Variants in ESRRB observed in about 807,000 individuals in gnomAD.
ESRRB encodes the protein steroid hormone receptor ERR2.
In ESRRB, 16 loss-of-function variants were observed where a neutral mutation model predicts 46.0. The observed-to-expected ratio is 0.35, with a 90% CI of 0.24 to 0.53. ESRRB has a LOEUF of 0.53. Ranked by LOEUF, ESRRB falls within the 20% of genes least tolerant of loss-of-function variation. The probability of loss-of-function intolerance (pLI) is 0.93; values close to 1 mark genes in which losing one functional copy is unlikely to be tolerated. For synonymous variants in ESRRB, 246 were observed against 259.6 expected, an observed-to-expected ratio of 0.95 and a Z score of 0.50; for missense variants, 488 against 607.4, an observed-to-expected ratio of 0.80 and a Z score of 2.07.
At chr14:76,321,873 C>T (rs1001587147) in intron 1 of ESRRB, among the ~76,000 whole-genome samples, 7 of 139,598 alleles carry the variant, frequency 5.0e-5, no homozygotes, top group African/African-American at 1.5e-4. Context: ...GGCTAAAGAG[C>T]GGGACTCCGT....
In ESRRB at chr14:76,452,626, A is replaced by AAAAAACAAAAAAAAAAAC. The variant is rs200077355; in HGVS notation, c.461-9909_461-9908insAAAAAAACAAAAACAAAA. 6.4e-5 allele frequency among the ~76,000 whole-genome samples: 8 copies of AAAAAACAAAAAAAAAAAC among 124,278 alleles called. No individual in the cohort carries two copies. In the East Asian group the frequency reaches 1.5e-3, roughly 23 times the overall value. 81.5% of individuals were successfully genotyped at this position (124,278 alleles called of 152,430 possible). A position where few individuals can be genotyped will look rare whatever the true frequency, so the allele number is the denominator to read the frequency against. ...CAGAGTGAGACTCTGTCTCCAAAAA[A>AAAAAACAAAAAAAAAAAC]AAAAACAAAACAAAAACAAAACAAA... On this transcript the variant is annotated intron_variant, in intron 2 of 6. Coordinates refer to ENST00000644823, the MANE Select transcript of ESRRB (RefSeq NM_001379180.1).
chr14:76,428,920 T>A (rs1887315105), intron 1 of ESRRB, among the ~76,000 whole-genome samples: 1 of 151,960 alleles, frequency 6.6e-6, no homozygotes, highest in Admixed American at 6.6e-5. Context: ...TAATTACAGA[T>A]TTTTGCCTGA....
rs544427383 is a variant in ESRRB at position 76,333,860 on chromosome 14, C to T, written c.2+22944C>T. 7.9e-5 allele frequency among the ~76,000 whole-genome samples: 12 copies of T among 152,190 alleles called. No individual in the cohort carries two copies. In the South Asian group the frequency reaches 2.3e-3, roughly 29 times the overall value. Reference sequence around the variant, plus strand: ...CATTTCACGTGCTCAGTGTCAACTGCGGCCCTCGGCTACCATGTTTGACTG... The same window carrying T: ...CATTTCACGTGCTCAGTGTCAACTGTGGCCCTCGGCTACCATGTTTGACTG... On this transcript the variant is annotated intron_variant, in intron 1 of 6. Transcript: ENST00000512784.
At chr14:76,378,651 G>T (rs560355196) in intron 1 of ESRRB, among the ~76,000 whole-genome samples, 79 of 152,286 alleles carry the variant, frequency 5.2e-4, no homozygotes, top group Non-Finnish European at 1.0e-3. Context: ...TGATGAGCTG[G>T]CCTCTTATAC....
chr14:76,462,741 A>G, intron 3 of ESRRB, 80 bp downstream of exon 3: 1 of 1,064,038 alleles, frequency 9.4e-7, no homozygotes, highest in Non-Finnish European at 1.5e-6. Flanking sequence ...GACACCCACA[A>G]GCTGTGGACC....
chr14:76,347,646 A>G (rs1426562483), intron 1 of ESRRB, among the ~76,000 whole-genome samples: 1 of 100,298 alleles, frequency 1.0e-5, no homozygotes, highest in Non-Finnish European at 2.1e-5. Flanking sequence ...CCCAAAGCTC[A>G]GAGGGGTTAA....
chr14:76,376,260 C>A lies in ESRRB; in HGVS notation c.-142C>A, dbSNP rs568487270. The stretch of plus-strand genomic sequence containing the variant: ...GGCTCTCTGCCTCCCTCTCCCCCGC[C>A]GCGGCCGCCTCCTCCCACTCTGCGT... On this transcript the variant is annotated 5_prime_UTR_variant, in exon 1 of 7. Transcript: ENST00000644823. The surrounding 1 kb of genome is among the most constrained non-coding windows in gnomAD (Gnocchi z 4.1). 5.4e-5 allele frequency: 27 copies of A among 498,160 alleles called. No individual in the cohort carries two copies. The highest frequency in any genetic ancestry group is 1.1e-3 in the Middle Eastern group (2 of 1,794). 30.9% of individuals were successfully genotyped at this position (498,160 alleles called of 1,614,324 possible). A position where few individuals can be genotyped will look rare whatever the true frequency, so the allele number is the denominator to read the frequency against.
At chr14:76,322,403 G>A (rs114431096) in intron 1 of ESRRB, among the ~76,000 whole-genome samples, 2,454 of 152,220 alleles carry the variant, frequency 0.016, 60 homozygotes, top group African/African-American at 0.055. Context: ...TGGCTGCGTC[G>A]CCAGGAGCTC....
chr14:76,407,464 G>C (rs1195417377), intron 1 of ESRRB: 1 of 883,860 alleles, frequency 1.1e-6, no homozygotes, highest in East Asian at 1.2e-4. Context: ...TAAATCCTCT[G>C]ACCTTGACTT....
At chr14:76,436,929 TC>T (rs1052688478) in intron 1 of ESRRB, among the ~76,000 whole-genome samples, 3 of 152,182 alleles carry the variant, frequency 2.0e-5, no homozygotes, top group Admixed American at 1.3e-4. Context: ...CTTTATGTTA[TC>T]TTTTATCTTT....
intron 3 of ESRRB, among the ~76,000 whole-genome samples, chr14:76,478,247 C>T (rs562937366): frequency 1.1e-4 from 17 of 152,244 alleles, no homozygotes; most frequent in Non-Finnish European, 2.4e-4. Context: ...GCTCTGGGAG[C>T]CCATGAAGAA....
Position 76,501,325 on chromosome 14 carries a change from C to T in ESRRB, c.*2867C>T, listed in dbSNP as rs554904120. 4 of 153,096 alleles carry T rather than the reference C, an allele frequency of 2.6e-5. No homozygotes were observed. The highest frequency in any genetic ancestry group is 9.6e-5 in the African/African-American group (4 of 41,544). 9.5% of individuals were successfully genotyped at this position (153,096 alleles called of 1,614,324 possible). The stretch of plus-strand genomic sequence containing the variant: ...CAGACTGGCTTTGTCACTTTGTGAA[C>T]TCGTCATGTGTGAAAACCAATCTTT... On this transcript the variant is annotated 3_prime_UTR_variant, in exon 7 of 7. Transcript: ENST00000644823.
At chr14:76,325,350 A>C (rs1396544714) in intron 1 of ESRRB, among the ~76,000 whole-genome samples, 1 of 152,104 alleles carries the variant, frequency 6.6e-6, no homozygotes, top group East Asian at 1.9e-4. Context: ...TGAAATATCA[A>C]ATTAGTTAGG....
At chr14:76,498,025 C>G (rs551194202) in intron 6 of ESRRB, among the ~76,000 whole-genome samples, 189 bp from the exon 7 acceptor site, 1 of 152,274 alleles carries the variant, frequency 6.6e-6, no homozygotes, top group South Asian at 2.1e-4. Context: ...CAGTCTCTCC[C>G]TGGGTTTGAG....
At chr14:76,462,044 A>G (rs971021813) in intron 2 of ESRRB, among the ~76,000 whole-genome samples, 21 of 152,234 alleles carry the variant, frequency 1.4e-4, no homozygotes, top group Admixed American at 4.6e-4. Context: ...TAGCAAAGCC[A>G]GGTGGCCTGG....
chr14:76,441,574 T>C (rs1319355626), intron 2 of ESRRB, among the ~76,000 whole-genome samples: 1 of 152,158 alleles, frequency 6.6e-6, no homozygotes, highest in Non-Finnish European at 1.5e-5. Flanking sequence ...CACTTTGGCC[T>C]CCCAAAGTGC....
intron 5 of ESRRB, among the ~76,000 whole-genome samples, chr14:76,489,367 C>A (rs1890131402): frequency 6.6e-6 from 1 of 151,546 alleles, no homozygotes; most frequent in Non-Finnish European, 1.5e-5. Context: ...CCATTTCTAT[C>A]TATCTTTTAT....
chr14:76,493,837 AGAG>A (rs1890320386), intron 6 of ESRRB, among the ~76,000 whole-genome samples: 1 of 152,256 alleles, frequency 6.6e-6, no homozygotes, highest in South Asian at 2.1e-4. Flanking sequence ...CTAACAGTTC[AGAG>A]GTACCCCTTT....
upstream of ESRRB, among the ~76,000 whole-genome samples, chr14:76,369,644 A>G (rs2139779393): frequency 6.6e-6 from 1 of 152,280 alleles, no homozygotes; most frequent in East Asian, 1.9e-4. Context: ...ACATTTTACT[A>G]GAGCAAAAAT....
Sources: allele counts gnomAD v4.1 joint callset (sites outside exome capture counted in the v4.1 genomes callset), GRCh38; gene constraint gnomAD v4.1.1; non-coding constraint Gnocchi (gnomAD v3.1); transcripts MANE v1.5; gene names NCBI Gene and HGNC (gene_info 2026-07-23, HGNC 2026-07-21).